The following AGTPBP1 variants were observed in gnomAD, a reference collection of about 807,000 sequenced individuals.
The protein encoded by AGTPBP1 is cytosolic carboxypeptidase 1.
A neutral mutation model predicts 143.9 loss-of-function variants in AGTPBP1; 70 were observed. The ratio of observed to expected loss-of-function variants is 0.49; its 90% CI spans 0.40 to 0.59. AGTPBP1 has a LOEUF of 0.59. Among genes scored for constraint, AGTPBP1 ranks in the 20% least tolerant of loss-of-function variants. The pLI, the probability that AGTPBP1 is intolerant of heterozygous loss-of-function variation, is 0.00. For synonymous variants in AGTPBP1, 463 were observed against 500.2 expected, an observed-to-expected ratio of 0.93 and a Z score of 0.99; for missense variants, 1,229 against 1,464.5, an observed-to-expected ratio of 0.84 and a Z score of 2.62.
chr9:85,713,535 A>C lies in AGTPBP1; in HGVS notation c.-33-969T>G, dbSNP rs746847241. On this transcript the variant is annotated intron_variant, in intron 1 of 25. Transcript: ENST00000357081. ...GACAAGAGCGAAACTCCATCTCAAA[A>C]AAACAAACAAACAAACAAACAAAAA... Among the ~76,000 whole-genome samples the C allele has an allele frequency of 5.9e-5, 9 of 152,214 alleles. No individual in the cohort carries two copies. In the South Asian group the frequency reaches 1.0e-3, roughly 18 times the overall value.
chr9:85,611,712 A>C (rs1830327644), intron 17 of AGTPBP1, among the ~76,000 whole-genome samples: 2 of 152,122 alleles, frequency 1.3e-5, no homozygotes, highest in South Asian at 4.1e-4. Flanking sequence ...ACAGAGTCTC[A>C]CTATGTCACC....
At chr9:85,777,813 A>G in the AGTPBP1 span, among the ~76,000 whole-genome samples, 9 of 152,200 alleles carry the variant, frequency 5.9e-5, no homozygotes, top group South Asian at 4.1e-4. Flanking sequence ...ATATAACCGC[A>G]TATCTGGCCA....
chr9:85,612,915 G>A (rs1360499845), intron 17 of AGTPBP1, among the ~76,000 whole-genome samples: 1 of 151,520 alleles, frequency 6.6e-6, no homozygotes, highest in Non-Finnish European at 1.5e-5. Flanking sequence ...AACAATGTAT[G>A]TTACATTATG....
chr9:85,567,506 C>T (rs944197135), intron 25 of AGTPBP1, among the ~76,000 whole-genome samples: 3 of 152,094 alleles, frequency 2.0e-5, no homozygotes, highest in Admixed American at 1.3e-4. Flanking sequence ...GCAGAAGAAT[C>T]GCTTGAGCCT....
At chr9:85,571,865 T>C (rs966688289) in intron 25 of AGTPBP1, among the ~76,000 whole-genome samples, 2 of 152,030 alleles carry the variant, frequency 1.3e-5, no homozygotes, top group Admixed American at 6.6e-5. Flanking sequence ...AAAAATTCAT[T>C]TGAGATAGAC....
chr9:85,584,310 C>A (rs2133151642), intron 23 of AGTPBP1, among the ~76,000 whole-genome samples: 1 of 152,252 alleles, frequency 6.6e-6, no homozygotes, highest in South Asian at 2.1e-4. Flanking sequence ...ATTTTACACA[C>A]ATTCTTGGGC....
intron 18 of AGTPBP1, 26 bp from the exon 19 acceptor site, chr9:85,592,730 T>C: frequency 6.2e-7 from 1 of 1,600,702 alleles, no homozygotes; most frequent in Non-Finnish European, 8.5e-7. Context: ...ATAAAACATG[T>C]TCATTTCATC....
At chr9:85,562,441 T>C (rs1826801498) in intron 25 of AGTPBP1, among the ~76,000 whole-genome samples, 1 of 152,226 alleles carries the variant, frequency 6.6e-6, no homozygotes, top group South Asian at 2.1e-4. Context: ...TACGCTTACA[T>C]ACATAGTAAC....
chr9:85,639,384 C>CAT (rs1832315125), intron 13 of AGTPBP1, among the ~76,000 whole-genome samples: 1 of 151,984 alleles, frequency 6.6e-6, no homozygotes, highest in Non-Finnish European at 1.5e-5. Flanking sequence ...CACACACACA[C>CAT]ACACACACAC....
At chr9:85,669,638 T>A in intron 7 of AGTPBP1, 60 bp from the exon 8 acceptor site, 1 of 1,084,290 alleles carries the variant, frequency 9.2e-7, no homozygotes, top group Non-Finnish European at 1.4e-6. Flanking sequence ...AAAATGTGTA[T>A]ACTTAGTGAT....
intron 20 of AGTPBP1, 92 bp downstream of exon 20, chr9:85,589,436 G>T: frequency 6.8e-7 from 1 of 1,463,862 alleles, no homozygotes; most frequent in Non-Finnish European, 9.2e-7. Flanking sequence ...TCTGATGTCT[G>T]TTCCTATTAT....
chr9:85,800,317 C>G, the AGTPBP1 span, among the ~76,000 whole-genome samples: 1 of 152,176 alleles, frequency 6.6e-6, no homozygotes, highest in East Asian at 1.9e-4. Flanking sequence ...GCCTTGCTCT[C>G]CTTCTGCTTT....
chr9:85,764,934 G>A, the AGTPBP1 span: 4 of 974,144 alleles, frequency 4.1e-6, no homozygotes, highest in Non-Finnish European at 6.7e-6. Flanking sequence ...AAGTAAGTCA[G>A]TATTCTTTGG....
At chr9:85,738,398 A>T (rs1276779380) in intron 1 of AGTPBP1, among the ~76,000 whole-genome samples, 1 of 152,228 alleles carries the variant, frequency 6.6e-6, no homozygotes, top group Admixed American at 6.5e-5. Context: ...CTGATTTCAC[A>T]CTATATAATA....
chr9:85,642,770 A>G (rs954434425), intron 13 of AGTPBP1, 57 bp downstream of exon 13: 6 of 1,334,284 alleles, frequency 4.5e-6, no homozygotes, highest in South Asian at 2.6e-5. Context: ...GACCTAAGGG[A>G]AAAAAAATAA....
the AGTPBP1 span, among the ~76,000 whole-genome samples, chr9:85,802,725 GT>G: frequency 6.6e-6 from 1 of 152,186 alleles, no homozygotes; most frequent in Admixed American, 6.5e-5. Context: ...AGGTCAGTGG[GT>G]AGCTCTCCTT....
chr9:85,692,428 C>G (rs1009557414), intron 3 of AGTPBP1, among the ~76,000 whole-genome samples: 2 of 151,960 alleles, frequency 1.3e-5, no homozygotes, highest in African/African-American at 4.8e-5. Context: ...TGCATGCTAC[C>G]ACACCCGGCT....
chr9:85,756,017 A>G, the AGTPBP1 span: 3 of 1,238,358 alleles, frequency 2.4e-6, no homozygotes, highest in Non-Finnish European at 3.3e-6. Flanking sequence ...TATTATTACC[A>G]TATAATTTTT....
rs1263373739 is a variant in AGTPBP1 at position 85,641,398 on chromosome 9, G to A, written c.1302+1429C>T. On this transcript the variant is annotated intron_variant, in intron 13 of 25. Transcript: ENST00000357081. ...AAAGAGCTCACGGATAACTGCTGTA[G>A]GTTGAATGAAAGAGAATCAACCTAT... 2.6e-5 allele frequency among the ~76,000 whole-genome samples: 4 copies of A among 152,216 alleles called. No individual in the cohort carries two copies. The East Asian group carries it at 7.7e-4, about 29-fold the overall frequency.
Sources: allele counts gnomAD v4.1 joint callset (sites outside exome capture counted in the v4.1 genomes callset), GRCh38; gene constraint gnomAD v4.1.1; transcripts MANE v1.5; gene names NCBI Gene and HGNC (gene_info 2026-07-23, HGNC 2026-07-21).